CC2D2A: variants seen among roughly 807,000 people sequenced by gnomAD.
CC2D2A encodes coiled-coil and C2 domain-containing protein 2A.
In CC2D2A, 155 loss-of-function variants were observed where a neutral mutation model predicts 212.9. That is an observed-to-expected ratio of 0.73 (90% CI 0.64 to 0.83). The LOEUF is 0.83. Ranked by LOEUF, CC2D2A falls within the 40% of genes least tolerant of loss-of-function variation. The pLI is 0.00. For missense variants in CC2D2A, 1,856 were observed against 1,956.2 expected, an observed-to-expected ratio of 0.95 and a Z score of 0.97; for synonymous variants, 667 against 686.5, an observed-to-expected ratio of 0.97 and a Z score of 0.44.
Position 15,601,222 on chromosome 4 carries a change from G to T in CC2D2A, c.4675-15G>T. The stretch of plus-strand genomic sequence containing the variant: ...TCAAACTTCACTAATGACTACAAAT[G>T]TTTTTTCCCTTCAGTTCTCTGGATT... On this transcript the variant is annotated splice_polypyrimidine_tract_variant and intron_variant, in intron 36 of 36. Coordinates refer to ENST00000424120, the MANE Select transcript of CC2D2A (RefSeq NM_001378615.1). 1 of 1,603,172 alleles carries T rather than the reference G, an allele frequency of 6.2e-7. No individual in the cohort carries two copies. The highest frequency in any genetic ancestry group is 8.5e-7 in the Non-Finnish European group (1 of 1,172,474).
At position 15,516,769 on chromosome 4, in the gene CC2D2A, CT is replaced by C; in HGVS notation, c.1149+14del. 1 of 1,606,490 alleles carries C rather than the reference CT, an allele frequency of 6.2e-7. No homozygotes were observed. The highest frequency in any genetic ancestry group is 8.5e-7 in the Non-Finnish European group (1 of 1,175,984). On this transcript the variant is annotated intron_variant, in intron 11 of 36. Coordinates refer to ENST00000424120, the MANE Select transcript of CC2D2A (RefSeq NM_001378615.1). ...ACTGTATAAAAAGGTAGACACTCCC[CT>C]CTCTCCACTTTTATTAAATGAAATT...
chr4:15,527,096 G>A (rs550357602), intron 11 of CC2D2A, among the ~76,000 whole-genome samples: 1 of 152,214 alleles, frequency 6.6e-6, no homozygotes, highest in South Asian at 2.1e-4. Context: ...GCTCCTCCCA[G>A]TAAAAGAATT....
intron 22 of CC2D2A, among the ~76,000 whole-genome samples, chr4:15,559,485 A>G (rs1156739560): frequency 1.3e-5 from 2 of 152,206 alleles, no homozygotes; most frequent in Non-Finnish European, 2.9e-5. Flanking sequence ...TTACCTTTTA[A>G]TGGGTCATGA....
At chr4:15,586,030 A>G in intron 30 of CC2D2A, 127 bp from the exon 31 acceptor site, 3 of 601,150 alleles carry the variant, frequency 5.0e-6, no homozygotes, top group South Asian at 2.6e-5. Flanking sequence ...TACAATATTT[A>G]GTGAGCATTA....
At chr4:15,507,181 T>G (rs1201470651) in intron 6 of CC2D2A, among the ~76,000 whole-genome samples, 1 of 152,192 alleles carries the variant, frequency 6.6e-6, no homozygotes, top group Non-Finnish European at 1.5e-5. Context: ...AATAACTTCA[T>G]TTAGCATTGC....
Position 15,488,879 on chromosome 4 carries a change from C to A in CC2D2A, c.247+8052C>A, listed in dbSNP as rs534832825. ...AACCCATGCAGTGAAAGCTTGCCTT[C>A]TAATCTGCTCTTCAAACATATATAT... On this transcript the variant is annotated intron_variant, in intron 4 of 36. Coordinates refer to ENST00000424120, the MANE Select transcript of CC2D2A (RefSeq NM_001378615.1). Among the ~76,000 whole-genome samples, 3 of 152,366 alleles carry A rather than the reference C, an allele frequency of 2.0e-5. No homozygotes were observed. In the East Asian group the frequency reaches 5.8e-4, roughly 29 times the overall value.
intron 17 of CC2D2A, among the ~76,000 whole-genome samples, chr4:15,545,881 G>A (rs939857607): frequency 2.0e-5 from 3 of 152,126 alleles, no homozygotes; most frequent in African/African-American, 7.2e-5. Flanking sequence ...GGCTGAGACG[G>A]AAGGATAGCT....
chr4:15,475,301 C>CT (rs2108964866), intron 1 of CC2D2A, among the ~76,000 whole-genome samples: 2 of 152,022 alleles, frequency 1.3e-5, no homozygotes, highest in South Asian at 2.1e-4. Context: ...GGGCAGGGGC[C>CT]TTTTTTTAAA....
chr4:15,480,556 C>T (rs772432366), intron 3 of CC2D2A, 148 bp from the exon 4 acceptor site: 8 of 849,208 alleles, frequency 9.4e-6, no homozygotes, highest in Non-Finnish European at 1.3e-5. Flanking sequence ...GGTGGGTACT[C>T]ACAGTGAGTC....
chr4:15,570,674 G>A (rs924433673), intron 28 of CC2D2A, among the ~76,000 whole-genome samples, 178 bp downstream of exon 28: 3 of 152,126 alleles, frequency 2.0e-5, no homozygotes, highest in Non-Finnish European at 4.4e-5. Flanking sequence ...GGCCAACATG[G>A]TGAAACCCCA....
At position 15,502,486 on chromosome 4, in the gene CC2D2A, G is replaced by A. The variant is rs373765548; in HGVS notation, c.305G>A (p.Gly102Glu). The A allele has an allele frequency of 6.2e-7, 1 of 1,609,036 alleles. No individual in the cohort carries two copies. The highest frequency in any genetic ancestry group is 8.5e-7 in the Non-Finnish European group (1 of 1,178,642). Residue 102 changes from glycine to glutamate, a missense_variant, in exon 5 of 37, where the codon GGA becomes GAA. Transcript: ENST00000424120. The stretch of plus-strand genomic sequence containing the variant: ...GGCTTTGCAGAATTTTCCATGAGGG[G>A]ACGCATGAGGGAGAAATTGCAAGCA... ...RTGFAEFSMR[G>E]RMREKLQAAR...
chr4:15,486,153 A>G (rs1433797484), intron 4 of CC2D2A, among the ~76,000 whole-genome samples: 2 of 152,102 alleles, frequency 1.3e-5, no homozygotes, highest in Non-Finnish European at 2.9e-5. Context: ...TGGTTTTGGT[A>G]TCAGGATAAT....
At chr4:15,549,304 AGT>A in intron 17 of CC2D2A, among the ~76,000 whole-genome samples, 1 of 152,222 alleles carries the variant, frequency 6.6e-6, no homozygotes, top group East Asian at 1.9e-4. Flanking sequence ...GTGTGTTTTA[AGT>A]GTGCCACTTA....
intron 13 of CC2D2A, among the ~76,000 whole-genome samples, chr4:15,530,031 G>C (rs1162317991): frequency 6.6e-6 from 1 of 151,704 alleles, no homozygotes; most frequent in African/African-American, 2.4e-5. Flanking sequence ...GAGTGCAGTG[G>C]TGCGATTTCG....
intron 34 of CC2D2A, 98 bp from the exon 35 acceptor site, chr4:15,597,309 G>T: frequency 1.2e-6 from 1 of 865,720 alleles, no homozygotes; most frequent in Non-Finnish European, 1.9e-6. Flanking sequence ...TCTATATCTC[G>T]ATGTCTGAGA....
chr4:15,533,579 G>A (rs1577354877), intron 14 of CC2D2A: 1 of 325,168 alleles, frequency 3.1e-6, no homozygotes. Flanking sequence ...TGCCAACTAT[G>A]TGCAATCTCT....
chr4:15,567,068 A>C (rs917526117), intron 24 of CC2D2A, among the ~76,000 whole-genome samples: 2 of 152,100 alleles, frequency 1.3e-5, no homozygotes, highest in African/African-American at 4.8e-5. Context: ...AGATTACTTG[A>C]GCTCAGAAGT....
At chr4:15,559,417 A>G (rs370963691) in intron 22 of CC2D2A, among the ~76,000 whole-genome samples, 160 bp downstream of exon 22, 1 of 152,216 alleles carries the variant, frequency 6.6e-6, no homozygotes, top group Non-Finnish European at 1.5e-5. Flanking sequence ...ATTGACAACT[A>G]TCATCACCTT....
At chr4:15,475,838 C>A in intron 1 of CC2D2A, 77 bp from the exon 2 acceptor site, 1 of 1,181,602 alleles carries the variant, frequency 8.5e-7, no homozygotes, top group African/African-American at 1.5e-5. Context: ...CATGGCCAGC[C>A]TCTTACATAT....
Sources: gnomAD v4.1 joint callset for allele counts (sites outside exome capture counted in the v4.1 genomes callset) on GRCh38, gnomAD v4.1.1 for gene constraint, MANE v1.5 for transcripts, NCBI Gene and HGNC (gene_info 2026-07-23, HGNC 2026-07-21) for gene names.